Variants in C10orf90 observed in about 807,000 individuals in gnomAD.
The protein encoded by C10orf90 is chromosome 10 open reading frame 90.
C10orf90 carries 56 observed loss-of-function variants against 62.5 expected under a neutral mutation model. The observed-to-expected ratio is 0.90, with a 90% CI of 0.72 to 1.12. The LOEUF (loss-of-function observed/expected upper bound fraction) is 1.12. C10orf90 is among the 50% of genes most tolerant of loss of function. C10orf90 has a pLI of 0.00. For synonymous variants in C10orf90, 386 were observed against 340.4 expected (o/e 1.13, Z -1.47); for missense variants, 970 against 880.4 (o/e 1.10, Z -1.29).
At chr10:126,565,104 TAAAATA>T (rs1844315150) in intron 2 of C10orf90, among the ~76,000 whole-genome samples, 1 of 43,380 alleles carries the variant, frequency 2.3e-5, no homozygotes, top group Non-Finnish European at 4.1e-5. Flanking sequence ...ATATAATATA[TAAAATA>T]TATATTATAT....
At chr10:126,516,266 C>T (rs1005122861) in intron 2 of C10orf90, among the ~76,000 whole-genome samples, 3 of 152,168 alleles carry the variant, frequency 2.0e-5, no homozygotes, top group Non-Finnish European at 2.9e-5. Flanking sequence ...GGAAAGCATT[C>T]GGGCAGGGTG....
At chr10:126,462,646 C>A (rs975429303) in intron 5 of C10orf90, among the ~76,000 whole-genome samples, 1 of 152,216 alleles carries the variant, frequency 6.6e-6, no homozygotes, top group Non-Finnish European at 1.5e-5. Flanking sequence ...CTCTCCACAG[C>A]ACCAGGTGCC....
chr10:126,466,495 T>A lies in C10orf90; in HGVS notation c.1535-1509A>T, dbSNP rs145808373. Among the ~76,000 whole-genome samples the A allele has an allele frequency of 4.9e-3, 744 of 152,326 alleles. 3 individuals carry two copies. Among genetic ancestry groups the A allele is most frequent in the Non-Finnish European group, 7.7e-3 (527 of 68,018 alleles). On this transcript the variant is annotated intron_variant, in intron 4 of 9. Coordinates refer to ENST00000488181, the MANE Select transcript of C10orf90 (RefSeq NM_001350921.2). The stretch of plus-strand genomic sequence containing the variant: ...ATCAATTTCTCAGAAGTCTGCAATT[T>A]GTTCCACACCCTCTGTCCTGGAGTG...
intron 4 of C10orf90, among the ~76,000 whole-genome samples, chr10:126,502,120 A>C (rs1245102105): frequency 1.3e-5 from 2 of 148,194 alleles, no homozygotes; most frequent in East Asian, 2.0e-4. Context: ...CACACACACC[A>C]CACACACACA....
intron 2 of C10orf90, among the ~76,000 whole-genome samples, chr10:126,620,818 C>G (rs1845630307): frequency 6.6e-6 from 1 of 151,290 alleles, no homozygotes; most frequent in African/African-American, 2.4e-5. Flanking sequence ...TTTATAGAAG[C>G]CATAAAAAAA....
chr10:126,549,153 G>A (rs1266476175), intron 2 of C10orf90, among the ~76,000 whole-genome samples: 2 of 152,144 alleles, frequency 1.3e-5, no homozygotes, highest in Non-Finnish European at 2.9e-5. Flanking sequence ...AGGAAAAATT[G>A]ACAAATTGTA....
intron 2 of C10orf90, among the ~76,000 whole-genome samples, chr10:126,555,177 G>A (rs527653990): frequency 4.6e-5 from 7 of 152,186 alleles, no homozygotes; most frequent in South Asian, 4.1e-4. Flanking sequence ...ACTCATCAGC[G>A]TTTCATTCCT....
rs866605884 is a variant in C10orf90, at chr10:126,547,146, G to A, written c.314-33207C>T. Among the ~76,000 whole-genome samples, 8 of 151,950 alleles carry A rather than the reference G, an allele frequency of 5.3e-5. 1 individual carries two copies. Among genetic ancestry groups the A allele is most frequent in the African/African-American group, 1.2e-4 (5 of 41,456 alleles). On this transcript the variant is annotated intron_variant, in intron 2 of 9. Transcript: ENST00000488181. ...CAAAAACAACAAAAAAAGGCCGGGC[G>A]TTGTGGCTCACGCCTGTAATCCCAG...
chr10:126,425,894 C>T lies in C10orf90; in HGVS notation c.2361G>A (p.Leu787=). The change falls in exon 10 of 10, where the codon CTG becomes CTA. Residue 787 remains leucine (L), a synonymous_variant. Coordinates refer to ENST00000488181, the MANE Select transcript of C10orf90 (RefSeq NM_001350921.2). ...CCGCATTCCTTTGAAGGAGCTGGTCCAGTAATTGCTAGAGGAAAAGGGAAA... is the reference window on the plus strand; with the variant it reads ...CCGCATTCCTTTGAAGGAGCTGGTCTAGTAATTGCTAGAGGAAAAGGGAAA... The part of the protein sequence containing the change: ...LRAEVFKKQL[L]DQLLQRNAV The T allele has an allele frequency of 6.2e-7, 1 of 1,614,058 alleles. No individual in the cohort carries two copies. The highest frequency in any genetic ancestry group is 8.5e-7 in the Non-Finnish European group (1 of 1,180,006).
chr10:126,543,654 T>C (rs930515319), intron 2 of C10orf90, among the ~76,000 whole-genome samples: 1 of 152,226 alleles, frequency 6.6e-6, no homozygotes, highest in African/African-American at 2.4e-5. Context: ...AATATGCTTT[T>C]GCCTCTGATG....
chr10:126,477,438 C>T (rs567723623), intron 4 of C10orf90, among the ~76,000 whole-genome samples: 6 of 152,170 alleles, frequency 3.9e-5, no homozygotes, highest in East Asian at 3.9e-4. Flanking sequence ...TCTGGGTCTA[C>T]GTGGTACCTG....
chr10:126,490,220 A>G (rs944622179), intron 4 of C10orf90, among the ~76,000 whole-genome samples: 4 of 147,220 alleles, frequency 2.7e-5, no homozygotes, highest in Non-Finnish European at 6.0e-5. Flanking sequence ...ATTCTAACGC[A>G]TGCAACGGCA....
intron 4 of C10orf90, among the ~76,000 whole-genome samples, chr10:126,496,226 A>G (rs1259990875): frequency 6.6e-6 from 1 of 152,094 alleles, no homozygotes; most frequent in Non-Finnish European, 1.5e-5. Context: ...GTGTAGGGAC[A>G]CCCCCTATTC....
chr10:126,652,827 ATGT>A (rs1846317507), intron 1 of C10orf90, among the ~76,000 whole-genome samples: 1 of 152,168 alleles, frequency 6.6e-6, no homozygotes, highest in Non-Finnish European at 1.5e-5. Context: ...TCCTTTCAGC[ATGT>A]TCTATTATGT....
At chr10:126,652,638 C>T (rs1426620766) in intron 1 of C10orf90, among the ~76,000 whole-genome samples, 2 of 152,116 alleles carry the variant, frequency 1.3e-5, no homozygotes, top group East Asian at 3.9e-4. Flanking sequence ...TGTGTGTTTG[C>T]AGGTATAAGC....
At chr10:126,503,787 A>G (rs974345315) in intron 4 of C10orf90, among the ~76,000 whole-genome samples, 170 bp downstream of exon 4, 1 of 152,194 alleles carries the variant, frequency 6.6e-6, no homozygotes, top group African/African-American at 2.4e-5. Flanking sequence ...AATCTATCCA[A>G]TCAGACATCG....
At chr10:126,669,762 TA>T (rs1319130849) in intron 1 of C10orf90, among the ~76,000 whole-genome samples, 24 of 151,542 alleles carry the variant, frequency 1.6e-4, no homozygotes, top group Non-Finnish European at 3.1e-4. Flanking sequence ...CTCTCAAAAA[TA>T]AAAGATCATT....
intron 2 of C10orf90, among the ~76,000 whole-genome samples, chr10:126,515,940 C>T (rs979563029): frequency 2.0e-5 from 3 of 152,170 alleles, no homozygotes; most frequent in Admixed American, 2.0e-4. Flanking sequence ...GATTACTTTT[C>T]GTGAAGCACA....
chr10:126,473,914 C>G (rs1010724556), intron 4 of C10orf90, among the ~76,000 whole-genome samples: 4 of 151,926 alleles, frequency 2.6e-5, no homozygotes, highest in Non-Finnish European at 5.9e-5. Context: ...TGCTACTGCT[C>G]CAGGAACCAT....
Sources: allele counts gnomAD v4.1 joint callset (sites outside exome capture counted in the v4.1 genomes callset), GRCh38; gene constraint gnomAD v4.1.1; transcripts MANE v1.5; gene names NCBI Gene and HGNC (gene_info 2026-07-23, HGNC 2026-07-21).